The following CSNK2A1 variants were observed in gnomAD, a reference collection of about 807,000 sequenced individuals.
The protein encoded by CSNK2A1 is casein kinase 2 alpha 1, also known as casein kinase II subunit alpha.
CSNK2A1 carries 10 observed loss-of-function variants against 62.9 expected under a neutral mutation model. That is an observed-to-expected ratio of 0.16 (90% CI 0.10 to 0.27). CSNK2A1 has a LOEUF of 0.27. Ranked by LOEUF, CSNK2A1 falls within the 10% of genes least tolerant of loss-of-function variation. The pLI is 1.00. For synonymous variants in CSNK2A1, 124 were observed against 167.8 expected, an observed-to-expected ratio of 0.74 and a Z score of 2.02; for missense variants, 160 against 492.0, an observed-to-expected ratio of 0.33 and a Z score of 6.38.
intron 4 of CSNK2A1, chr20:500,474 A>G (rs774634315): frequency 2.8e-4 from 45 of 161,120 alleles, no homozygotes; most frequent in Non-Finnish European, 4.4e-4. Flanking sequence ...GTTAATGGCA[A>G]ACTACATAAC....
At chr20:518,999 G>A (rs1327227901) in intron 2 of CSNK2A1, among the ~76,000 whole-genome samples, 2 of 145,960 alleles carry the variant, frequency 1.4e-5, no homozygotes, top group African/African-American at 5.1e-5. Context: ...GCAGTGGCAC[G>A]ATCTCAGTTC....
intron 2 of CSNK2A1, among the ~76,000 whole-genome samples, chr20:523,296 A>G (rs2018988585): frequency 6.6e-6 from 1 of 152,196 alleles, no homozygotes; most frequent in Non-Finnish European, 1.5e-5. Flanking sequence ...AATCCAACTC[A>G]CAGTTATTTA....
At position 495,702 on chromosome 20, in the gene CSNK2A1, T is replaced by A. The variant is rs756354622; in HGVS notation, c.510+17A>T. The A allele has an allele frequency of 2.5e-6, 4 of 1,609,318 alleles. No individual in the cohort carries two copies. In the African/African-American group the frequency reaches 4.0e-5, roughly 16 times the overall value. On this transcript the variant is annotated intron_variant, in intron 8 of 13. Coordinates refer to ENST00000217244, the MANE Select transcript of CSNK2A1 (RefSeq NM_177559.3). ...ACATCATGTAGATAAATAACACTTG[T>A]CAGCCTATCACTTTACCTTTCTGTG...
chr20:537,770 C>T (rs535184040), intron 1 of CSNK2A1, among the ~76,000 whole-genome samples: 7 of 152,236 alleles, frequency 4.6e-5, no homozygotes, highest in South Asian at 2.1e-4. Context: ...AGGTTACCCA[C>T]GAATTGTGAC....
At position 480,266 on chromosome 20, in the gene CSNK2A1, G is replaced by A. The variant is rs1296917409; in HGVS notation, c.*3695C>T. 3 of 151,636 alleles carry A rather than the reference G, an allele frequency of 2.0e-5. No homozygotes were observed. The highest frequency in any genetic ancestry group is 7.3e-5 in the African/African-American group (3 of 41,170). 9.4% of individuals were successfully genotyped at this position (151,636 alleles called of 1,614,324 possible). The stretch of plus-strand genomic sequence containing the variant: ...TGTGTGTGTGTGTGTGTGGGTGGGT[G>A]GGTGTGTGTGTGTAGGGAGAGAAAG... On this transcript the variant is annotated 3_prime_UTR_variant, in exon 14 of 14. Transcript: ENST00000217244.
intron 1 of CSNK2A1, among the ~76,000 whole-genome samples, chr20:536,583 C>A (rs1165469451): frequency 6.6e-6 from 1 of 152,178 alleles, no homozygotes; most frequent in Non-Finnish European, 1.5e-5. Flanking sequence ...TCCCCAAACT[C>A]AAAGTGGGAG....
chr20:526,641 A>C (rs2019096066), intron 2 of CSNK2A1: 2 of 151,142 alleles, frequency 1.3e-5, no homozygotes, highest in South Asian at 4.2e-4. Context: ...TTAAAAATGT[A>C]AGTGTGCTTG....
intron 13 of CSNK2A1, among the ~76,000 whole-genome samples, chr20:485,088 A>T (rs2018047681): frequency 1.5e-4 from 6 of 40,214 alleles, no homozygotes; most frequent in African/African-American, 5.3e-4. Context: ...AAAAAAAAAA[A>T]AAAAAAAAAA....
At position 476,213 on chromosome 20, in the gene CSNK2A1, T is replaced by C. The variant is rs1241160961; in HGVS notation, c.*7748A>G. On this transcript the variant is annotated 3_prime_UTR_variant, in exon 14 of 14. Coordinates refer to ENST00000217244, the MANE Select transcript of CSNK2A1 (RefSeq NM_177559.3). ...AGGCAGCCCCTCCTCTGAGGCCTCATGGACCATTCTCTCTTCTCCAAGACT... is the reference window on the plus strand; with the variant it reads ...AGGCAGCCCCTCCTCTGAGGCCTCACGGACCATTCTCTCTTCTCCAAGACT... The C allele has an allele frequency of 6.6e-6, 1 of 152,414 alleles. No individual in the cohort carries two copies. Among genetic ancestry groups the C allele is most frequent in the Non-Finnish European group, 1.5e-5 (1 of 68,204 alleles). 9.4% of individuals were successfully genotyped at this position (152,414 alleles called of 1,614,324 possible).
At chr20:527,766 T>C (rs560333373) in intron 2 of CSNK2A1, among the ~76,000 whole-genome samples, 167 bp downstream of exon 2, 3 of 152,328 alleles carry the variant, frequency 2.0e-5, no homozygotes, top group Admixed American at 6.5e-5. Context: ...CTCAAACTCC[T>C]GACCTCAGGT....
At chr20:484,171 C>CCTG in intron 13 of CSNK2A1, 95 bp from the exon 14 acceptor site, 1 of 1,028,186 alleles carries the variant, frequency 9.7e-7, no homozygotes, top group Non-Finnish European at 1.3e-6. Context: ...CACAATAATT[C>CCTG]TTTACTGAAG....
chr20:543,755 G>C lies in CSNK2A1; in HGVS notation c.-310C>G, dbSNP rs996633274. The C allele has an allele frequency of 1.8e-5, 7 of 398,302 alleles. No homozygotes were observed. The highest frequency in any genetic ancestry group is 2.7e-5 in the Non-Finnish European group (6 of 225,982). 24.7% of individuals were successfully genotyped at this position (398,302 alleles called of 1,614,324 possible). On this transcript the variant is annotated 5_prime_UTR_variant, in exon 1 of 14. Coordinates refer to ENST00000217244, the MANE Select transcript of CSNK2A1 (RefSeq NM_177559.3). ...GGCGGCGATGGAGGAGGAGACACAC[G>C]GCTCGGCCGCCAGCCGCAGGGACCA...
At chr20:508,409 AG>A in intron 3 of CSNK2A1, 41 bp downstream of exon 3, 2 of 1,602,868 alleles carry the variant, frequency 1.2e-6, no homozygotes, top group Non-Finnish European at 1.7e-6. Flanking sequence ...CACAAGATTC[AG>A]CCCTTTGAGT....
chr20:488,158 G>C (rs1300556108), intron 11 of CSNK2A1: 2 of 161,544 alleles, frequency 1.2e-5, no homozygotes, highest in Non-Finnish European at 2.7e-5. Flanking sequence ...TCCTGCCTCA[G>C]CTTCCTAGTA....
chr20:477,128 A>C lies in CSNK2A1; in HGVS notation c.*6833T>G, dbSNP rs531202819. 6.6e-6 allele frequency: 1 copy of C among 152,006 alleles called. No homozygotes were observed. The highest frequency in any genetic ancestry group is 6.5e-5 in the Admixed American group (1 of 15,278). The allele number at this position is 152,006 out of a possible 1,614,324, so 9.4% of individuals were successfully genotyped here. ...GGTCTCCAACTCGTGGCCTCAAGCA[A>C]TCCTCCTGCCTCAGCCTCCCAAAGA... On this transcript the variant is annotated 3_prime_UTR_variant, in exon 14 of 14. Coordinates refer to ENST00000217244, the MANE Select transcript of CSNK2A1 (RefSeq NM_177559.3).
chr20:486,300 A>T, intron 13 of CSNK2A1, 76 bp downstream of exon 13: 1 of 1,562,646 alleles, frequency 6.4e-7, no homozygotes, highest in Non-Finnish European at 8.8e-7. Context: ...GAAGGTATAC[A>T]AGAAATCAGA....
At chr20:497,574 T>C (rs2018370499) in intron 7 of CSNK2A1, 147 bp downstream of exon 7, 1 of 600,146 alleles carries the variant, frequency 1.7e-6, no homozygotes, top group African/African-American at 1.9e-5. Context: ...ACAGGTATGA[T>C]ACTATTAACT....
intron 2 of CSNK2A1, among the ~76,000 whole-genome samples, chr20:520,201 C>A (rs1355837338): frequency 6.6e-6 from 1 of 151,770 alleles, no homozygotes; most frequent in Non-Finnish European, 1.5e-5. Flanking sequence ...AATAAATTAT[C>A]CAGGTAAAAG....
At chr20:518,837 G>A (rs1432898871) in intron 2 of CSNK2A1, among the ~76,000 whole-genome samples, 3 of 150,074 alleles carry the variant, frequency 2.0e-5, no homozygotes, top group Non-Finnish European at 3.0e-5. Context: ...TTACAGGTGT[G>A]AGCCACCGCA....
Sources: gnomAD v4.1 joint callset for allele counts (sites outside exome capture counted in the v4.1 genomes callset) on GRCh38, gnomAD v4.1.1 for gene constraint, MANE v1.5 for transcripts, NCBI Gene and HGNC (gene_info 2026-07-23, HGNC 2026-07-21) for gene names.